MOB4: variants seen among roughly 807,000 people sequenced by gnomAD.
The protein encoded by MOB4 is MOB family member 4, phocein.
Under a neutral mutation model 32.2 loss-of-function variants are expected in MOB4, and 4 were observed. The observed-to-expected ratio is 0.12, with a 90% CI of 0.06 to 0.28. The LOEUF (loss-of-function observed/expected upper bound fraction) is 0.28, where lower values mean the gene tolerates loss of function less well. MOB4 is among the 10% of genes least tolerant of loss of function. MOB4 has a pLI of 1.00. For missense variants in MOB4, 158 were observed against 271.2 expected, an observed-to-expected ratio of 0.58 and a Z score of 2.93; for synonymous variants, 88 against 88.1, an observed-to-expected ratio of 1.00 and a Z score of 0.01.
chr2:197,539,201 T>C (rs2086854235), intron 3 of MOB4, among the ~76,000 whole-genome samples: 1 of 152,196 alleles, frequency 6.6e-6, no homozygotes, highest in South Asian at 2.1e-4. Flanking sequence ...GGTAGGACTT[T>C]AGGAGGGAAC....
At chr2:197,548,213 T>G in intron 5 of MOB4, 123 bp from the exon 6 acceptor site, 1 of 627,038 alleles carries the variant, frequency 1.6e-6, no homozygotes. Flanking sequence ...ATTCGGAAAT[T>G]GTAAGGAACT....
intron 1 of MOB4, among the ~76,000 whole-genome samples, chr2:197,520,675 A>G (rs2086499821): frequency 6.6e-6 from 1 of 152,154 alleles, no homozygotes; most frequent in South Asian, 2.1e-4. Flanking sequence ...AATCAGTCAA[A>G]TGGAAAGGTT....
intron 3 of MOB4, among the ~76,000 whole-genome samples, chr2:197,538,149 T>C (rs80334072): frequency 6.6e-6 from 1 of 151,892 alleles, no homozygotes; most frequent in Admixed American, 6.6e-5. Flanking sequence ...TTTTTTTTTT[T>C]CAGATCTAAG....
intron 2 of MOB4, among the ~76,000 whole-genome samples, chr2:197,525,345 C>T (rs1177851531): frequency 6.9e-6 from 1 of 143,920 alleles, no homozygotes; most frequent in Admixed American, 6.8e-5. Context: ...AAGACTCCAT[C>T]TCAAAAAAAA....
chr2:197,515,908 G>C (rs538722016), upstream of MOB4: 12 of 606,632 alleles, frequency 2.0e-5, no homozygotes, highest in African/African-American at 3.9e-5. Context: ...GCTGTTCCTC[G>C]TTCGCCCTCT....
At chr2:197,532,698 A>G (rs2086727898) in intron 2 of MOB4, among the ~76,000 whole-genome samples, 1 of 151,938 alleles carries the variant, frequency 6.6e-6, no homozygotes, top group Non-Finnish European at 1.5e-5. Flanking sequence ...AAAAAAAATA[A>G]GTAAATAAAA....
chr2:197,538,859 A>G (rs2086848255), intron 3 of MOB4, among the ~76,000 whole-genome samples: 1 of 152,198 alleles, frequency 6.6e-6, no homozygotes, highest in Admixed American at 6.5e-5. Flanking sequence ...AGAGGGTGAT[A>G]CGGTGATTTA....
chr2:197,552,298 A>G lies in MOB4; in HGVS notation c.*1652A>G, dbSNP rs1277435127. 2.0e-5 allele frequency: 3 copies of G among 152,336 alleles called. No homozygotes were observed. The highest frequency in any genetic ancestry group is 6.5e-5 in the Admixed American group (1 of 15,272). 9.4% of individuals were successfully genotyped at this position (152,336 alleles called of 1,614,324 possible). On this transcript the variant is annotated 3_prime_UTR_variant, in exon 8 of 8. Coordinates refer to ENST00000323303, the MANE Select transcript of MOB4 (RefSeq NM_015387.5). ...TGGATTTATATTAATGGCACTATAA[A>G]CCAATGGTAATGGTAATTTTTAAAC...
intron 2 of MOB4, among the ~76,000 whole-genome samples, chr2:197,524,665 A>G (rs2086578664): frequency 6.6e-6 from 1 of 151,980 alleles, no homozygotes; most frequent in African/African-American, 2.4e-5. Flanking sequence ...TTGAATTTTT[A>G]GTAGAGACAG....
intron 2 of MOB4, among the ~76,000 whole-genome samples, chr2:197,531,619 G>T (rs1013650624): frequency 5.3e-5 from 8 of 152,072 alleles, no homozygotes; most frequent in African/African-American, 1.9e-4. Flanking sequence ...AGGCTGGAGT[G>T]CAGTGGCATG....
Position 197,525,528 on chromosome 2 carries a change from G to A in MOB4, c.123+1842G>A, listed in dbSNP as rs553936934. Among the ~76,000 whole-genome samples, 8 of 152,072 alleles carry A rather than the reference G, an allele frequency of 5.3e-5. No homozygotes were observed. In the East Asian group the frequency reaches 1.5e-3, roughly 29 times the overall value. Reference sequence around the variant, plus strand: ...AGGAGGGAGGATCACTTTGAGGTTGGGAGTTTGAAACCAGCCTGGACAATA... The same window carrying A: ...AGGAGGGAGGATCACTTTGAGGTTGAGAGTTTGAAACCAGCCTGGACAATA... On this transcript the variant is annotated intron_variant, in intron 2 of 7. Coordinates refer to ENST00000323303, the MANE Select transcript of MOB4 (RefSeq NM_015387.5).
At chr2:197,550,488 A>G (rs1223381450) in intron 7 of MOB4, 27 bp from the exon 8 acceptor site, 5 of 1,581,178 alleles carry the variant, frequency 3.2e-6, no homozygotes, top group South Asian at 1.2e-5. Context: ...GTGAATTAAA[A>G]TAACATTTTT....
chr2:197,546,787 C>G (rs2087001659), intron 5 of MOB4, among the ~76,000 whole-genome samples: 2 of 152,172 alleles, frequency 1.3e-5, no homozygotes, highest in African/African-American at 4.8e-5. Context: ...CTCTGTGCAG[C>G]TGAAAATCTG....
intron 1 of MOB4, among the ~76,000 whole-genome samples, chr2:197,523,119 T>C (rs2086550510): frequency 6.6e-6 from 1 of 152,144 alleles, no homozygotes; most frequent in Non-Finnish European, 1.5e-5. Context: ...TCTGGAGTTT[T>C]TTTTTCATTG....
rs201520712 is a variant in MOB4 at position 197,540,123 on chromosome 2, T to C, written c.237T>C (p.Leu79=). ...TTTGCATTTTCAGGCAGTTCTGCCTTGAGCTAAATGGACTTGCTGTCAAAC... is the reference window on the plus strand; with the variant it reads ...TTTGCATTTTCAGGCAGTTCTGCCTCGAGCTAAATGGACTTGCTGTCAAAC... ...WKYEHLRQFC[L]ELNGLAVKLQ... The change falls in exon 4 of 8, where the codon CTT becomes CTC. Residue 79 remains leucine, a synonymous_variant. Coordinates refer to ENST00000323303, the MANE Select transcript of MOB4 (RefSeq NM_015387.5). 2.5e-5 allele frequency: 40 copies of C among 1,603,210 alleles called. No homozygotes were observed. In the East Asian group the frequency reaches 8.3e-4, roughly 33 times the overall value.
chr2:197,547,975 T>TTAA (rs1480586399), intron 5 of MOB4, among the ~76,000 whole-genome samples: 14 of 152,292 alleles, frequency 9.2e-5, no homozygotes, highest in Non-Finnish European at 2.1e-4. Context: ...GCTAGATTGA[T>TTAA]AATAGAGTGC....
rs541587735 is a variant in MOB4 at position 197,542,911 on chromosome 2, GATAC to G, written c.354+2476_354+2479del. On this transcript the variant is annotated intron_variant, in intron 5 of 7. Coordinates refer to ENST00000323303, the MANE Select transcript of MOB4 (RefSeq NM_015387.5). ...TTCAGAAACCAGTTAAAGGTCTAAA[GATAC>G]AGTGATGTGGTAACCCATGAGCCCC... is the stretch of plus-strand genomic sequence containing the variant. Among the ~76,000 whole-genome samples, 77 of 152,256 alleles carry G rather than the reference GATAC, an allele frequency of 5.1e-4. 2 individuals carry two copies. In the South Asian group the frequency reaches 8.3e-3, roughly 16 times the overall value.
intron 1 of MOB4, chr2:197,516,545 G>C (rs2086415853): frequency 2.6e-5 from 14 of 541,166 alleles, no homozygotes; most frequent in South Asian, 2.1e-4. Flanking sequence ...TGAGGTGGGA[G>C]GGGGTGTAAA....
intron 6 of MOB4, among the ~76,000 whole-genome samples, chr2:197,549,859 T>TAAAAAAAA (rs573507195): frequency 1.2e-5 from 1 of 85,080 alleles, no homozygotes; most frequent in African/African-American, 4.2e-5. Context: ...CCTTAATTTC[T>TAAAAAAAA]AAAAAAAAAA....
Sources: allele counts gnomAD v4.1 joint callset (sites outside exome capture counted in the v4.1 genomes callset), GRCh38; gene constraint gnomAD v4.1.1; transcripts MANE v1.5; gene names NCBI Gene and HGNC (gene_info 2026-07-23, HGNC 2026-07-21).